Variants in CDH18 observed in about 807,000 individuals in gnomAD.
The protein encoded by CDH18 is cadherin-18.
Under a neutral mutation model 67.9 loss-of-function variants are expected in CDH18, and 31 were observed. That is an observed-to-expected ratio of 0.46 (90% CI 0.34 to 0.62). The LOEUF is 0.62. Among genes scored for constraint, CDH18 ranks in the 20% least tolerant of loss-of-function variants. CDH18 has a pLI of 0.01. For synonymous variants in CDH18, 362 were observed against 347.2 expected (o/e 1.04, Z -0.48); for missense variants, 890 against 975.5 (o/e 0.91, Z 1.17).
chr5:19,525,470 C>G (rs966104983), intron 9 of CDH18, among the ~76,000 whole-genome samples: 1 of 152,184 alleles, frequency 6.6e-6, no homozygotes, highest in Non-Finnish European at 1.5e-5. Flanking sequence ...TTAATCTTAC[C>G]TTATTGAGCA....
chr5:20,482,071 A>G (rs369576363), intron 1 of CDH18, among the ~76,000 whole-genome samples: 192 of 152,012 alleles, frequency 1.3e-3, no homozygotes, highest in African/African-American at 4.4e-3. Flanking sequence ...AAAAGAGAGA[A>G]GAATAAAATA....
rs573374114 is a variant in CDH18, at chr5:19,577,526, T to C, written c.1000-5694A>G. ...TTTTAGATAAGGATAATTTGTTTTC[T>C]AATTTCACAGGTCCACAGATGAAGA... On this transcript the variant is annotated intron_variant, in intron 7 of 12. Coordinates refer to ENST00000382275, the MANE Select transcript of CDH18 (RefSeq NM_004934.5). Among the ~76,000 whole-genome samples the C allele has an allele frequency of 9.8e-5, 15 of 152,314 alleles. No homozygotes were observed. In the South Asian group the frequency reaches 3.1e-3, roughly 32 times the overall value.
chr5:19,834,488 C>T (rs2892426), intron 3 of CDH18, among the ~76,000 whole-genome samples: 83,489 of 151,620 alleles, frequency 0.55, 23,265 homozygotes, highest in Middle Eastern at 0.67. Flanking sequence ...CCTGGATTCA[C>T]TGATTTTTTG....
intron 1 of CDH18, among the ~76,000 whole-genome samples, chr5:20,493,546 T>C (rs1175543204): frequency 6.6e-6 from 1 of 151,626 alleles, no homozygotes; most frequent in Non-Finnish European, 1.5e-5. Flanking sequence ...CCAAGGCAGG[T>C]GGGGTGCTGG....
intron 5 of CDH18, among the ~76,000 whole-genome samples, chr5:19,650,710 A>C (rs1203744463): frequency 6.6e-6 from 1 of 152,148 alleles, no homozygotes; most frequent in African/African-American, 2.4e-5. Flanking sequence ...AGTCACAAGG[A>C]TCTTTCATTC....
chr5:19,728,599 C>G (rs1767172224), intron 4 of CDH18, among the ~76,000 whole-genome samples: 1 of 152,040 alleles, frequency 6.6e-6, no homozygotes, highest in South Asian at 2.1e-4. Context: ...CAATGAGAGG[C>G]AGAAAGAGTA....
chr5:20,474,441 G>A (rs61644824), intron 1 of CDH18, among the ~76,000 whole-genome samples: 14,776 of 152,068 alleles, frequency 0.097, 2,289 homozygotes, highest in African/African-American at 0.33. Flanking sequence ...TCACCTGGCC[G>A]AAAGAAACAT....
At chr5:19,908,389 A>G (rs1388230064) in intron 2 of CDH18, among the ~76,000 whole-genome samples, 1 of 152,146 alleles carries the variant, frequency 6.6e-6, no homozygotes, top group Non-Finnish European at 1.5e-5. Context: ...ATCTTAAATT[A>G]AAGTTAGATA....
At chr5:20,111,217 A>G (rs1167632473) in intron 2 of CDH18, among the ~76,000 whole-genome samples, 2 of 152,182 alleles carry the variant, frequency 1.3e-5, no homozygotes, top group African/African-American at 4.8e-5. Flanking sequence ...TGGGACATAT[A>G]ATTTTCTTTT....
intron 1 of CDH18, among the ~76,000 whole-genome samples, chr5:20,321,707 C>T (rs551468194): frequency 2.0e-5 from 3 of 151,962 alleles, no homozygotes; most frequent in African/African-American, 7.2e-5. Context: ...ATTTCCTTTC[C>T]CATAATTTCC....
intron 2 of CDH18, among the ~76,000 whole-genome samples, chr5:20,018,079 A>G (rs1014070297): frequency 1.3e-5 from 2 of 152,208 alleles, no homozygotes; most frequent in African/African-American, 4.8e-5. Context: ...ACTTTAGGGT[A>G]GTTGAAATTT....
At chr5:20,104,451 G>A (rs1580252102) in intron 2 of CDH18, among the ~76,000 whole-genome samples, 1 of 152,104 alleles carries the variant, frequency 6.6e-6, no homozygotes, top group Non-Finnish European at 1.5e-5. Flanking sequence ...GAGAACAAGA[G>A]TATATCGAAT....
At chr5:20,397,808 T>A (rs1745407660) in intron 1 of CDH18, among the ~76,000 whole-genome samples, 1 of 152,174 alleles carries the variant, frequency 6.6e-6, no homozygotes, top group Non-Finnish European at 1.5e-5. Context: ...TCACATTCTC[T>A]TTTTCATAGT....
chr5:20,458,202 C>T (rs1750977522), intron 1 of CDH18, among the ~76,000 whole-genome samples: 1 of 152,156 alleles, frequency 6.6e-6, no homozygotes, highest in Admixed American at 6.5e-5. Flanking sequence ...ACTGCAGCCT[C>T]GATCTCCTGG....
At chr5:19,996,741 T>C (rs1166663490) in intron 2 of CDH18, among the ~76,000 whole-genome samples, 1 of 152,036 alleles carries the variant, frequency 6.6e-6, no homozygotes, top group Non-Finnish European at 1.5e-5. Flanking sequence ...CTCTATCATG[T>C]TATTGCTAAT....
At chr5:20,399,276 A>G (rs916877909) in intron 1 of CDH18, among the ~76,000 whole-genome samples, 1 of 152,202 alleles carries the variant, frequency 6.6e-6, no homozygotes, top group Non-Finnish European at 1.5e-5. Flanking sequence ...AATTATTATC[A>G]AAAGAGACAA....
At chr5:20,362,099 T>C (rs1437111237) in intron 1 of CDH18, among the ~76,000 whole-genome samples, 1 of 152,128 alleles carries the variant, frequency 6.6e-6, no homozygotes, top group Non-Finnish European at 1.5e-5. Flanking sequence ...ATTAGCGAAT[T>C]AATGTCAAGG....
At chr5:20,360,628 A>C (rs1227419175) in intron 1 of CDH18, among the ~76,000 whole-genome samples, 1 of 152,236 alleles carries the variant, frequency 6.6e-6, no homozygotes, top group Non-Finnish European at 1.5e-5. Context: ...GCCTGCCTTT[A>C]TCCTTCATCA....
At chr5:19,798,591 GAAAC>G (rs1266078563) in intron 3 of CDH18, among the ~76,000 whole-genome samples, 1 of 151,764 alleles carries the variant, frequency 6.6e-6, no homozygotes, top group East Asian at 1.9e-4. Context: ...TTCATATCAT[GAAAC>G]AAGTTTTAGA....
Sources: allele counts gnomAD v4.1 joint callset (sites outside exome capture counted in the v4.1 genomes callset), GRCh38; gene constraint gnomAD v4.1.1; transcripts MANE v1.5; gene names NCBI Gene and HGNC (gene_info 2026-07-23, HGNC 2026-07-21).